The following DTHD1 variants were observed in gnomAD, a reference collection of about 807,000 sequenced individuals.
DTHD1 encodes the protein death domain containing 1.
DTHD1 carries 59 observed loss-of-function variants against 74.8 expected under a neutral mutation model. The observed-to-expected ratio is 0.79, with a 90% CI of 0.64 to 0.98. The LOEUF (loss-of-function observed/expected upper bound fraction) is 0.98, where lower values mean the gene tolerates loss of function less well. Ranked by LOEUF, DTHD1 falls within the 50% of genes least tolerant of loss-of-function variation. The pLI is 0.00. For synonymous variants in DTHD1, 365 were observed against 371.1 expected, an observed-to-expected ratio of 0.98 and a Z score of 0.19; for missense variants, 1,051 against 1,065.4, an observed-to-expected ratio of 0.99 and a Z score of 0.19.
At chr4:36,336,010 C>T (rs754968082) in intron 8 of DTHD1, among the ~76,000 whole-genome samples, 1 of 152,176 alleles carries the variant, frequency 6.6e-6, no homozygotes, top group Non-Finnish European at 1.5e-5. Context: ...TTGCATTGTG[C>T]TTAACAGCAT....
Position 36,339,108 on chromosome 4 carries a change from A to G in DTHD1, c.2341-4A>G, listed in dbSNP as rs1467263670. On this transcript the variant is annotated splice_polypyrimidine_tract_variant and splice_region_variant and intron_variant, in intron 8 of 9. Coordinates refer to ENST00000639862, the MANE Select transcript of DTHD1 (RefSeq NM_001170700.3). ...GTTTATTTTGTGTTCCTTTCCCCCA[A>G]TAGCATAAGAAATTAATCAACCGTC... 7.1e-6 allele frequency: 11 copies of G among 1,546,070 alleles called. No individual in the cohort carries two copies. The highest frequency in any genetic ancestry group is 4.1e-5 in the African/African-American group (3 of 72,920).
At chr4:36,299,605 G>A (rs975133849) in intron 5 of DTHD1, among the ~76,000 whole-genome samples, 2 of 152,062 alleles carry the variant, frequency 1.3e-5, no homozygotes, top group African/African-American at 4.8e-5. Context: ...TCAAATGCTG[G>A]CACTTCTCCA....
At chr4:36,312,181 G>A (rs138076949) in intron 7 of DTHD1, among the ~76,000 whole-genome samples, 187 of 151,768 alleles carry the variant, frequency 1.2e-3, no homozygotes, top group African/African-American at 4.3e-3. Flanking sequence ...TCCAGAAAGT[G>A]CCAGGAAGTG....
chr4:36,330,306 A>G (rs2109554827), intron 8 of DTHD1, among the ~76,000 whole-genome samples: 1 of 152,354 alleles, frequency 6.6e-6, no homozygotes, highest in Non-Finnish European at 1.5e-5. Flanking sequence ...AAAGTTCCAC[A>G]TTACAACCTT....
rs888682681 is a variant in DTHD1 at position 36,306,129 on chromosome 4, G to A, written c.1644-62G>A. 1.4e-5 allele frequency: 19 copies of A among 1,365,962 alleles called. No homozygotes were observed. In the African/African-American group the frequency reaches 2.5e-4, roughly 18 times the overall value. 84.6% of individuals were successfully genotyped at this position (1,365,962 alleles called of 1,614,324 possible). ...GATCATTCACAATGAAAGAATGAAT[G>A]CATTAAATAAGATTTATATCATGTA... On this transcript the variant is annotated intron_variant, in intron 5 of 9. Coordinates refer to ENST00000639862, the MANE Select transcript of DTHD1 (RefSeq NM_001170700.3).
chr4:36,301,843 G>C (rs1756792097), intron 5 of DTHD1, among the ~76,000 whole-genome samples: 1 of 151,844 alleles, frequency 6.6e-6, no homozygotes, highest in South Asian at 2.1e-4. Context: ...CGTTTCTGTT[G>C]GGTTTAAGTG....
intron 8 of DTHD1, among the ~76,000 whole-genome samples, chr4:36,334,485 G>A (rs1163891928): frequency 6.6e-6 from 1 of 151,144 alleles, no homozygotes; most frequent in African/African-American, 2.4e-5. Context: ...TCAGACTCCT[G>A]AGTAGCTGGG....
At chr4:36,307,948 G>A (rs549793031) in intron 6 of DTHD1, among the ~76,000 whole-genome samples, 2 of 152,170 alleles carry the variant, frequency 1.3e-5, no homozygotes, top group African/African-American at 2.4e-5. Context: ...GGGCTCAAGC[G>A]ATCCACCCTC....
At chr4:36,310,621 A>G (rs73809169) in intron 7 of DTHD1, among the ~76,000 whole-genome samples, 3,222 of 152,090 alleles carry the variant, frequency 0.021, 114 homozygotes, top group African/African-American at 0.073. Flanking sequence ...TATTATGCCT[A>G]TTTTCTCTCT....
At chr4:36,334,030 G>T (rs916687623) in intron 8 of DTHD1, 1 of 152,132 alleles carries the variant, frequency 6.6e-6, no homozygotes, top group African/African-American at 2.4e-5. Flanking sequence ...GTAAGGTGAA[G>T]CAATCTGAAG....
Position 36,347,209 on chromosome 4 carries a change from A to T in DTHD1, c.*3385A>T, listed in dbSNP as rs1242677466. Among the ~76,000 whole-genome samples the T allele has an allele frequency of 6.6e-6, 1 of 152,182 alleles. No homozygotes were observed. Among genetic ancestry groups the T allele is most frequent in the Non-Finnish European group, 1.5e-5 (1 of 68,024 alleles). ...GTATAATATCCTATTTCATAACCAT[A>T]GCACAATTAATTTTAGTATAATCAA... is the stretch of plus-strand genomic sequence containing the variant. On this transcript the variant is annotated 3_prime_UTR_variant, in exon 10 of 10. Coordinates refer to ENST00000639862, the MANE Select transcript of DTHD1 (RefSeq NM_001170700.3).
intron 8 of DTHD1, among the ~76,000 whole-genome samples, chr4:36,320,119 A>AT (rs917912202): frequency 1.5e-4 from 22 of 151,232 alleles, no homozygotes; most frequent in Admixed American, 7.9e-4. Flanking sequence ...TTTCTGAAAT[A>AT]TTTTTTTTTC....
At chr4:36,337,707 A>G (rs1418232461) in intron 8 of DTHD1, among the ~76,000 whole-genome samples, 1 of 152,132 alleles carries the variant, frequency 6.6e-6, no homozygotes, top group Non-Finnish European at 1.5e-5. Flanking sequence ...ATATGCTTCC[A>G]TGTTTATGTA....
chr4:36,317,439 T>C (rs545477174), intron 8 of DTHD1, among the ~76,000 whole-genome samples: 1 of 152,316 alleles, frequency 6.6e-6, no homozygotes, highest in South Asian at 2.1e-4. Flanking sequence ...AGATACACAC[T>C]GCATTTCAAA....
Position 36,345,644 on chromosome 4 carries a change from G to T in DTHD1, c.*1820G>T, listed in dbSNP as rs1172976017. 6.6e-6 allele frequency: 1 copy of T among 151,870 alleles called. No individual in the cohort carries two copies. The highest frequency in any genetic ancestry group is 2.4e-5 in the African/African-American group (1 of 41,330). 9.4% of individuals were successfully genotyped at this position (151,870 alleles called of 1,614,324 possible). A position where few individuals can be genotyped will look rare whatever the true frequency, so the allele number is the denominator to read the frequency against. On this transcript the variant is annotated 3_prime_UTR_variant, in exon 10 of 10. Coordinates refer to ENST00000639862, the MANE Select transcript of DTHD1 (RefSeq NM_001170700.3). ...AAGATTTTTTACATGCTGCCAAAAA[G>T]GTACAATATGTATTTTCATGTATTC... is the stretch of plus-strand genomic sequence containing the variant.
chr4:36,342,418 G>A (rs1478281627), intron 9 of DTHD1, among the ~76,000 whole-genome samples: 2 of 152,156 alleles, frequency 1.3e-5, no homozygotes, highest in Non-Finnish European at 2.9e-5. Context: ...GTGCAGGGGT[G>A]AGCATGAAAG....
intron 8 of DTHD1, among the ~76,000 whole-genome samples, chr4:36,332,207 TAAAATAAAATAAAATAAAATAAAATAA>T (rs1298468058): frequency 5.4e-5 from 1 of 18,508 alleles, no homozygotes; most frequent in Non-Finnish European, 1.3e-4. Flanking sequence ...TAAAATAAAA[TAAAATAAAATAAAATAAAATAAAATAA>T]AATAAAATAA....
At chr4:36,338,580 T>C (rs1759138969) in intron 8 of DTHD1, among the ~76,000 whole-genome samples, 2 of 151,622 alleles carry the variant, frequency 1.3e-5, no homozygotes, top group East Asian at 1.9e-4. Context: ...CACTATCTCA[T>C]ATTACCTGAG....
At chr4:36,293,237 A>G (rs1260065729) in intron 3 of DTHD1, among the ~76,000 whole-genome samples, 2 of 151,774 alleles carry the variant, frequency 1.3e-5, no homozygotes, top group East Asian at 3.8e-4. Context: ...TTGTGAAAAC[A>G]CTGAAAATAA....
Sources: gnomAD v4.1 joint callset for allele counts (sites outside exome capture counted in the v4.1 genomes callset) on GRCh38, gnomAD v4.1.1 for gene constraint, MANE v1.5 for transcripts, NCBI Gene and HGNC (gene_info 2026-07-23, HGNC 2026-07-21) for gene names.